Variants in ORC5 observed in about 807,000 individuals in gnomAD.
ORC5 encodes protein phosphatase 1, regulatory subunit 117.
ORC5 carries 39 observed loss-of-function variants against 58.8 expected under a neutral mutation model. The ratio of observed to expected loss-of-function variants is 0.66; its 90% CI spans 0.51 to 0.87. The LOEUF (loss-of-function observed/expected upper bound fraction) is 0.87. ORC5 is among the 40% of genes least tolerant of loss of function. The probability of loss-of-function intolerance (pLI) is 0.00; values close to 1 mark genes in which losing one functional copy is unlikely to be tolerated. For synonymous variants in ORC5, 218 were observed against 177.6 expected, an observed-to-expected ratio of 1.23 and a Z score of -1.81; for missense variants, 493 against 506.3, an observed-to-expected ratio of 0.97 and a Z score of 0.25.
chr7:104,148,975 A>G (rs1054280745), intron 12 of ORC5, among the ~76,000 whole-genome samples: 45 of 151,678 alleles, frequency 3.0e-4, no homozygotes, highest in African/African-American at 8.7e-4. Context: ...CAGAGGTTGC[A>G]GTGAGCAGAG....
In ORC5 at chr7:104,204,554, G is replaced by C. The variant is rs1195230892; in HGVS notation, c.73-320C>G. On this transcript the variant is annotated intron_variant, in intron 1 of 13. Transcript: ENST00000297431. ...ATAGCAGATTTAAGAGATTTTTCAAGGATAATTTTGTTCATACTCCATTTT... is the reference window on the plus strand; with the variant it reads ...ATAGCAGATTTAAGAGATTTTTCAACGATAATTTTGTTCATACTCCATTTT... Among the ~76,000 whole-genome samples the C allele has an allele frequency of 9.2e-5, 14 of 151,492 alleles. No homozygotes were observed. In the East Asian group the frequency reaches 2.7e-3, roughly 29 times the overall value.
chr7:104,188,384 G>A lies in ORC5; in HGVS notation c.554-3C>T, dbSNP rs1479638758. 37 of 1,604,660 alleles carry A rather than the reference G, an allele frequency of 2.3e-5. No homozygotes were observed. The highest frequency in any genetic ancestry group is 3.2e-5 in the Non-Finnish European group (37 of 1,173,058). Reference sequence around the variant, plus strand: ...GGACAGGATCTTTTGAAGGTTGCCTGTTCACAGGACACAAAATAACTTATA... The same window carrying A: ...GGACAGGATCTTTTGAAGGTTGCCTATTCACAGGACACAAAATAACTTATA... On this transcript the variant is annotated splice_polypyrimidine_tract_variant and splice_region_variant and intron_variant, in intron 5 of 13. Coordinates refer to ENST00000297431, the MANE Select transcript of ORC5 (RefSeq NM_002553.4).
In ORC5 at chr7:104,168,535, A is replaced by C; in HGVS notation, c.825-10T>G. 1 of 1,498,308 alleles carries C rather than the reference A, an allele frequency of 6.7e-7. No homozygotes were observed. Among genetic ancestry groups the C allele is most frequent in the Non-Finnish European group, 9.1e-7 (1 of 1,100,374 alleles). The allele number at this position is 1,498,308 out of a possible 1,614,324, so 92.8% of individuals were successfully genotyped here. On this transcript the variant is annotated splice_polypyrimidine_tract_variant and intron_variant, in intron 8 of 13. Transcript: ENST00000297431. ...CTTTTCCCACTGGGAACTGAAAAAA[A>C]ATAGAAGAGCAAAAATGAATTAAAA... is the stretch of plus-strand genomic sequence containing the variant.
intron 12 of ORC5, among the ~76,000 whole-genome samples, chr7:104,151,222 C>T (rs1274927667): frequency 2.6e-5 from 4 of 151,992 alleles, no homozygotes. Context: ...AAAGTATAAC[C>T]AGAAAAGAAA....
intron 10 of ORC5, 103 bp downstream of exon 10, chr7:104,166,669 C>A (rs1799112536): frequency 7.6e-6 from 5 of 658,912 alleles, no homozygotes; most frequent in African/African-American, 1.8e-5. Flanking sequence ...ATTTGGCAAT[C>A]TTATTCTAAT....
At chr7:104,179,340 T>C (rs1002712138) in intron 8 of ORC5, among the ~76,000 whole-genome samples, 2 of 152,182 alleles carry the variant, frequency 1.3e-5, no homozygotes, top group Admixed American at 1.3e-4. Flanking sequence ...TAACTAAAGA[T>C]CTAAGCATGT....
chr7:104,156,860 T>C (rs1382913312), intron 12 of ORC5, among the ~76,000 whole-genome samples: 1 of 151,914 alleles, frequency 6.6e-6, no homozygotes, highest in African/African-American at 2.4e-5. Context: ...TTTATTTCCA[T>C]TCAAATGACC....
intron 12 of ORC5, among the ~76,000 whole-genome samples, chr7:104,152,332 C>T (rs1260020957): frequency 6.6e-6 from 1 of 152,042 alleles, no homozygotes; most frequent in Non-Finnish European, 1.5e-5. Context: ...ATTGTAGATA[C>T]AGGGTCTCAC....
At chr7:104,190,227 G>T (rs1334064155) in intron 5 of ORC5, among the ~76,000 whole-genome samples, 1 of 151,752 alleles carries the variant, frequency 6.6e-6, no homozygotes, top group African/African-American at 2.4e-5. Context: ...CCTTATTACC[G>T]GCAAAATCAG....
intron 13 of ORC5, among the ~76,000 whole-genome samples, chr7:104,130,484 G>C (rs1275279179): frequency 6.6e-6 from 1 of 152,110 alleles, no homozygotes; most frequent in African/African-American, 2.4e-5. Flanking sequence ...AGGTGGGGCT[G>C]GTGTCCTGTG....
intron 8 of ORC5, among the ~76,000 whole-genome samples, chr7:104,176,319 A>C (rs528262751): frequency 1.3e-5 from 2 of 152,352 alleles, no homozygotes; most frequent in East Asian, 3.9e-4. Context: ...TTTAATAAAT[A>C]AGCTAGTTAT....
At chr7:104,127,760 T>C (rs1231874646) in intron 13 of ORC5, among the ~76,000 whole-genome samples, 1 of 152,212 alleles carries the variant, frequency 6.6e-6, no homozygotes, top group African/African-American at 2.4e-5. Flanking sequence ...CTAAAAAAGT[T>C]TCTAAGCAAA....
chr7:104,168,245 C>G (rs1799140876), intron 9 of ORC5: 1 of 1,087,302 alleles, frequency 9.2e-7, no homozygotes, highest in Non-Finnish European at 1.2e-6. Flanking sequence ...ATGATATAAT[C>G]CAATATTTAG....
intron 12 of ORC5, among the ~76,000 whole-genome samples, chr7:104,139,084 T>C (rs1480961320): frequency 6.6e-6 from 1 of 152,164 alleles, no homozygotes; most frequent in East Asian, 1.9e-4. Flanking sequence ...TAAGATAAAA[T>C]TTGGAGACTT....
At chr7:104,146,546 AAGTT>A (rs1399072001) in intron 12 of ORC5, among the ~76,000 whole-genome samples, 3 of 152,194 alleles carry the variant, frequency 2.0e-5, no homozygotes, top group Admixed American at 6.5e-5. Flanking sequence ...TGACTCAAAG[AAGTT>A]AATTCCCAAG....
intron 12 of ORC5, among the ~76,000 whole-genome samples, chr7:104,150,107 G>A (rs987624208): frequency 3.9e-5 from 6 of 152,056 alleles, no homozygotes; most frequent in Non-Finnish European, 8.8e-5. Context: ...AGCTGGAAAT[G>A]CTTGATGTAA....
At position 104,136,266 on chromosome 7, in the gene ORC5, C is replaced by T. The variant is rs956941430; in HGVS notation, c.1262+515G>A. ...CTCATTCTACCACTCTCCTCGTGCCCCTTCAGTATGTATCCATTTGTCTCT... is the reference window on the plus strand; with the variant it reads ...CTCATTCTACCACTCTCCTCGTGCCTCTTCAGTATGTATCCATTTGTCTCT... On this transcript the variant is annotated intron_variant, in intron 13 of 13. Transcript: ENST00000297431. This position sits in a 1 kb window ranked among gnomAD's most constrained non-coding sequence, Gnocchi z 4.2. Among the ~76,000 whole-genome samples the T allele has an allele frequency of 6.6e-6, 1 of 151,964 alleles. No homozygotes were observed. Among genetic ancestry groups the T allele is most frequent in the African/African-American group, 2.4e-5 (1 of 41,374 alleles).
At chr7:104,131,851 CAAAAAAA>C (rs11306183) in intron 13 of ORC5, among the ~76,000 whole-genome samples, 1 of 115,602 alleles carries the variant, frequency 8.7e-6, no homozygotes, top group East Asian at 2.3e-4. Flanking sequence ...GATTCTGTCT[CAAAAAAA>C]AAAAAAGAAA....
intron 6 of ORC5, among the ~76,000 whole-genome samples, chr7:104,185,786 T>A (rs191006668): frequency 1.1e-4 from 17 of 152,030 alleles, no homozygotes; most frequent in Admixed American, 9.2e-4. Flanking sequence ...ACTAATTCCA[T>A]TTATTTAAAA....
Sources: allele counts gnomAD v4.1 joint callset (sites outside exome capture counted in the v4.1 genomes callset), GRCh38; gene constraint gnomAD v4.1.1; non-coding constraint Gnocchi (gnomAD v3.1); transcripts MANE v1.5; gene names NCBI Gene and HGNC (gene_info 2026-07-23, HGNC 2026-07-21).